Variants in DIAPH2 observed in about 807,000 individuals in gnomAD.
DIAPH2 encodes protein diaphanous homolog 2.
DIAPH2 carries 35 observed loss-of-function variants against 92.7 expected under a neutral mutation model. That is an observed-to-expected ratio of 0.38 (90% CI 0.29 to 0.50). The LOEUF (loss-of-function observed/expected upper bound fraction) is 0.50, where lower values mean the gene tolerates loss of function less well. DIAPH2 is among the 20% of genes least tolerant of loss of function. DIAPH2 has a pLI of 0.94. For synonymous variants in DIAPH2, 301 were observed against 280.4 expected, an observed-to-expected ratio of 1.07 and a Z score of -0.73; for missense variants, 701 against 819.5, an observed-to-expected ratio of 0.86 and a Z score of 1.77.
intron 17 of DIAPH2, among the ~76,000 whole-genome samples, chrX:97,047,414 CAGTT>C (rs1245220758): frequency 3.7e-5 from 4 of 107,791 alleles, no homozygotes; most frequent in Admixed American, 1.0e-4. Context: ...GAAGCGTAGT[CAGTT>C]AGGCATATAT....
intron 17 of DIAPH2, among the ~76,000 whole-genome samples, chrX:97,022,954 C>T (rs960916202): frequency 1.8e-5 from 2 of 111,089 alleles, no homozygotes; most frequent in Non-Finnish European, 3.8e-5. Context: ...GAGGCTGTGG[C>T]GGGAGGATTG....
At chrX:97,407,501 A>T (rs2069822042) in intron 25 of DIAPH2, among the ~76,000 whole-genome samples, 1 of 112,126 alleles carries the variant, frequency 8.9e-6, no homozygotes, top group Non-Finnish European at 1.9e-5. Flanking sequence ...ATGCATTGAT[A>T]GTTTGAAAGA....
At chrX:96,698,754 G>T (rs2063838611) in intron 1 of DIAPH2, among the ~76,000 whole-genome samples, 1 of 102,984 alleles carries the variant, frequency 9.7e-6, no homozygotes, top group African/African-American at 3.6e-5. Flanking sequence ...AAGAGATGAG[G>T]TCTTGCTCTG....
chrX:96,829,774 C>T (rs1029375137), intron 4 of DIAPH2, among the ~76,000 whole-genome samples: 7 of 110,912 alleles, frequency 6.3e-5, no homozygotes, highest in African/African-American at 9.8e-5. Flanking sequence ...GGATTATAGG[C>T]GGGAGCTACC....
chrX:97,555,621 T>C (rs2071251793), intron 26 of DIAPH2, among the ~76,000 whole-genome samples: 1 of 111,309 alleles, frequency 9.0e-6, no homozygotes, highest in Non-Finnish European at 1.9e-5. Flanking sequence ...AATGTCAGTA[T>C]GGGAAAAAAG....
intron 4 of DIAPH2, among the ~76,000 whole-genome samples, chrX:96,817,007 G>T (rs1281782758): frequency 9.0e-6 from 1 of 111,465 alleles, no homozygotes; most frequent in African/African-American, 3.3e-5. Context: ...TCACTTATTT[G>T]TGGGAGCTAA....
intron 26 of DIAPH2, among the ~76,000 whole-genome samples, chrX:97,512,399 T>C (rs1387444126): frequency 1.8e-5 from 2 of 112,737 alleles, no homozygotes; most frequent in African/African-American, 6.4e-5. Context: ...TTCTTCTCTC[T>C]TTTCTTCTTT....
At chrX:96,814,793 G>GC (rs1416224931) in intron 4 of DIAPH2, among the ~76,000 whole-genome samples, 1 of 111,734 alleles carries the variant, frequency 8.9e-6, no homozygotes, top group Admixed American at 9.5e-5. Context: ...TCCCTCAGAT[G>GC]CAGGTCTGTT....
intron 22 of DIAPH2, among the ~76,000 whole-genome samples, chrX:97,194,356 A>C (rs1339164065): frequency 9.7e-6 from 1 of 103,426 alleles, no homozygotes; most frequent in Non-Finnish European, 2.0e-5. Flanking sequence ...ATCTTGGCTC[A>C]CTGCACGCTC....
chrX:96,897,791 T>C (rs1412750735), intron 5 of DIAPH2, among the ~76,000 whole-genome samples: 1 of 99,727 alleles, frequency 1.0e-5, no homozygotes, highest in African/African-American at 3.6e-5. Context: ...TAGTTACATA[T>C]GTATACATGT....
chrX:97,206,866 ATCCT>A (rs2067801123), intron 22 of DIAPH2, among the ~76,000 whole-genome samples: 3 of 111,858 alleles, frequency 2.7e-5, no homozygotes, highest in Non-Finnish European at 5.6e-5. Context: ...TATTAAAAGC[ATCCT>A]TTCCAGTAAT....
At chrX:96,893,728 T>C (rs899197005) in intron 5 of DIAPH2, among the ~76,000 whole-genome samples, 21 of 112,294 alleles carry the variant, frequency 1.9e-4, no homozygotes, top group African/African-American at 6.8e-4. Context: ...GGCTCTCCCC[T>C]TGGACTGTCT....
rs528432201 is a variant in DIAPH2, at chrX:97,338,052, A to G, written c.2845-10064A>G. Among the ~76,000 whole-genome samples, 9 of 109,255 alleles carry G rather than the reference A, an allele frequency of 8.2e-5. No homozygotes were observed. In the South Asian group the frequency reaches 1.2e-3, roughly 15 times the overall value. The allele number at this position is 109,255 out of a possible 115,157, so 94.9% of individuals were successfully genotyped here. On this transcript the variant is annotated intron_variant, in intron 23 of 26. Coordinates refer to ENST00000324765, the MANE Select transcript of DIAPH2 (RefSeq NM_006729.5). ...CACGCCTGGCTAATTTTGTATTTTT[A>G]GTAGAAATGGGGTTTCGCCATGTTG...
At chrX:97,336,942 T>A (rs1196695182) in intron 23 of DIAPH2, among the ~76,000 whole-genome samples, 1 of 111,090 alleles carries the variant, frequency 9.0e-6, no homozygotes, top group Non-Finnish European at 1.9e-5. Context: ...GCATTTTTTT[T>A]ATCCTAGCTG....
chrX:96,788,810 A>G (rs2064478193), intron 4 of DIAPH2, among the ~76,000 whole-genome samples: 1 of 112,003 alleles, frequency 8.9e-6, no homozygotes, highest in African/African-American at 3.2e-5. Flanking sequence ...GAGGCTCATT[A>G]AAATCTTGAA....
intron 17 of DIAPH2, among the ~76,000 whole-genome samples, chrX:97,052,906 C>CT (rs1444663881): frequency 5.4e-5 from 6 of 110,178 alleles, no homozygotes; most frequent in South Asian, 3.9e-4. Flanking sequence ...TTAAGGTTTT[C>CT]TTTTTTTTAA....
At chrX:96,961,126 C>T (rs1455051174) in intron 16 of DIAPH2, among the ~76,000 whole-genome samples, 5 of 111,115 alleles carry the variant, frequency 4.5e-5, no homozygotes, top group Admixed American at 3.8e-4. Flanking sequence ...ATTTCCTGCT[C>T]TTTAGTTTTT....
intron 17 of DIAPH2, among the ~76,000 whole-genome samples, chrX:97,017,848 G>A (rs951855421): frequency 2.1e-4 from 23 of 111,820 alleles, no homozygotes; most frequent in Admixed American, 1.1e-3. Context: ...TTAATAGAAG[G>A]AGGAAAAGCC....
At chrX:97,421,746 C>A (rs2070010835) in intron 25 of DIAPH2, among the ~76,000 whole-genome samples, 2 of 111,483 alleles carry the variant, frequency 1.8e-5, no homozygotes, top group Non-Finnish European at 1.9e-5. Flanking sequence ...TCTTAAATGC[C>A]ACCTTTGTCA....
Sources: allele counts gnomAD v4.1 joint callset (sites outside exome capture counted in the v4.1 genomes callset), GRCh38; gene constraint gnomAD v4.1.1; transcripts MANE v1.5; gene names NCBI Gene and HGNC (gene_info 2026-07-23, HGNC 2026-07-21).